The following KIF13B variants were observed in gnomAD, a reference collection of about 807,000 sequenced individuals.
KIF13B encodes the protein kinesin-like protein KIF13B.
Under a neutral mutation model 222.0 loss-of-function variants are expected in KIF13B, and 127 were observed. The observed-to-expected ratio is 0.57, with a 90% confidence interval of 0.50 to 0.66. KIF13B has a LOEUF of 0.66. KIF13B is among the 30% of genes least tolerant of loss of function. The probability of loss-of-function intolerance (pLI) is 0.00; values close to 1 mark genes in which losing one functional copy is unlikely to be tolerated. For synonymous variants in KIF13B, 976 were observed against 919.0 expected (o/e 1.06, Z -1.12); for missense variants, 2,173 against 2,379.0 (o/e 0.91, Z 1.80).
At chr8:29,131,010 T>C (rs1810318758) in intron 23 of KIF13B, among the ~76,000 whole-genome samples, 1 of 152,032 alleles carries the variant, frequency 6.6e-6, no homozygotes, top group Non-Finnish European at 1.5e-5. Flanking sequence ...CAAAATCATA[T>C]CCCTTGCAGC....
intron 2 of KIF13B, among the ~76,000 whole-genome samples, chr8:29,241,202 A>T (rs1374075164): frequency 6.6e-6 from 1 of 152,224 alleles, no homozygotes; most frequent in African/African-American, 2.4e-5. Context: ...AGACCACATC[A>T]TGTATGATTT....
Position 29,262,844 on chromosome 8 carries a change from G to A in KIF13B, c.55+136C>T. On this transcript the variant is annotated intron_variant, in intron 1 of 39. Coordinates refer to ENST00000524189, the MANE Select transcript of KIF13B (RefSeq NM_015254.4). The stretch of plus-strand genomic sequence containing the variant: ...GTCTCAGCGCGGGAGCGGGTTTCAG[G>A]GTCCCCGGGCCCCTCCTCGCGCCCC... The A allele has an allele frequency of 8.3e-6, 5 of 603,414 alleles. No homozygotes were observed. In the South Asian group the frequency reaches 1.0e-4, roughly 12 times the overall value. The allele number at this position is 603,414 out of a possible 1,614,324, so 37.4% of individuals were successfully genotyped here.
chr8:29,075,596 C>T (rs1263756861), intron 37 of KIF13B, among the ~76,000 whole-genome samples: 2 of 152,262 alleles, frequency 1.3e-5, no homozygotes, highest in Admixed American at 1.3e-4. Flanking sequence ...CGCTCTCTCC[C>T]TCCCTCCAAT....
chr8:29,168,280 G>A (rs187941075), intron 10 of KIF13B, among the ~76,000 whole-genome samples: 11 of 152,310 alleles, frequency 7.2e-5, no homozygotes, highest in Non-Finnish European at 8.8e-5. Flanking sequence ...ACGGCTTTAG[G>A]ACCGACTGGC....
At chr8:29,158,958 A>G (rs989986999) in intron 13 of KIF13B, among the ~76,000 whole-genome samples, 8 of 152,256 alleles carry the variant, frequency 5.3e-5, no homozygotes, top group African/African-American at 1.9e-4. Context: ...GAACTACAGT[A>G]CAATGCAAAG....
chr8:29,146,396 G>C lies in KIF13B; in HGVS notation c.2169C>G (p.Ser723Arg). The C allele has an allele frequency of 6.2e-7, 1 of 1,613,728 alleles. No homozygotes were observed. Among genetic ancestry groups the C allele is most frequent in the Non-Finnish European group, 8.5e-7 (1 of 1,179,820 alleles). ...ACCTCACCTTCCTGTTGGCATCCAG[G>C]CTGGAGGCTGGAATCTGTAGGGTAA... ...YKVTLQIPAS[S>R]LDANRKRGSL... Residue 723 changes from serine (S) to arginine (R), a missense_variant, in exon 18 of 40, where the codon AGC becomes AGG. Coordinates refer to ENST00000524189, the MANE Select transcript of KIF13B (RefSeq NM_015254.4).
intron 21 of KIF13B, 90 bp from the exon 22 acceptor site, chr8:29,134,300 AC>A: frequency 8.3e-7 from 1 of 1,208,326 alleles, no homozygotes; most frequent in Non-Finnish European, 1.2e-6. Flanking sequence ...TCTGTCACTA[AC>A]TTAGGTGCTT....
intron 38 of KIF13B, among the ~76,000 whole-genome samples, chr8:29,073,958 T>C (rs920199297): frequency 6.6e-6 from 1 of 152,248 alleles, no homozygotes; most frequent in African/African-American, 2.4e-5. Flanking sequence ...TCAATCATTC[T>C]TCCTTTGCAC....
intron 12 of KIF13B, among the ~76,000 whole-genome samples, chr8:29,162,919 C>CT (rs1811843940): frequency 6.6e-6 from 1 of 152,156 alleles, no homozygotes; most frequent in Non-Finnish European, 1.5e-5. Context: ...CATGGGGTCT[C>CT]TGTCTTATTC....
chr8:29,131,926 C>T (rs977241608), intron 23 of KIF13B, among the ~76,000 whole-genome samples: 6 of 152,142 alleles, frequency 3.9e-5, no homozygotes, highest in Admixed American at 3.9e-4. Flanking sequence ...AATGGCAGTA[C>T]TAATCTCTAG....
intron 35 of KIF13B, among the ~76,000 whole-genome samples, chr8:29,106,429 C>T (rs182365471): frequency 2.6e-5 from 4 of 152,066 alleles, no homozygotes; most frequent in African/African-American, 4.8e-5. Flanking sequence ...GTCAGGAGTT[C>T]GAGACCAGGC....
chr8:29,224,711 T>C (rs996268372), intron 2 of KIF13B, among the ~76,000 whole-genome samples: 1 of 150,434 alleles, frequency 6.6e-6, no homozygotes, highest in Admixed American at 6.7e-5. Context: ...TTCTAGAGCA[T>C]GCATCCTTGA....
intron 1 of KIF13B, among the ~76,000 whole-genome samples, chr8:29,253,107 A>C (rs1260289076): frequency 1.3e-5 from 2 of 152,154 alleles, no homozygotes; most frequent in African/African-American, 4.8e-5. Context: ...GGGAGTCTGA[A>C]GCAGGGGGAT....
chr8:29,184,485 T>C (rs1205181756), intron 6 of KIF13B, among the ~76,000 whole-genome samples: 2 of 152,156 alleles, frequency 1.3e-5, no homozygotes, highest in Non-Finnish European at 2.9e-5. Context: ...ATTTCCCTCT[T>C]CAAGTTCCCT....
At chr8:29,203,223 C>G (rs770597743) in intron 2 of KIF13B, among the ~76,000 whole-genome samples, 5 of 152,216 alleles carry the variant, frequency 3.3e-5, no homozygotes, top group Non-Finnish European at 5.9e-5. Context: ...GCCCCTTTCT[C>G]TATCTCCAAC....
At chr8:29,143,760 C>T (rs779468441) in intron 18 of KIF13B, among the ~76,000 whole-genome samples, 7 of 151,986 alleles carry the variant, frequency 4.6e-5, no homozygotes, top group Non-Finnish European at 8.8e-5. Context: ...GCAGAAGAAT[C>T]GCTTGAACCC....
intron 2 of KIF13B, among the ~76,000 whole-genome samples, chr8:29,235,168 AAAAAAT>A (rs1460234829): frequency 3.7e-4 from 57 of 152,350 alleles, no homozygotes; most frequent in African/African-American, 1.3e-3. Context: ...ATAATGGCTT[AAAAAAT>A]AAAAATAAAA....
intron 37 of KIF13B, among the ~76,000 whole-genome samples, chr8:29,077,458 G>A (rs1242278934): frequency 6.6e-6 from 1 of 152,188 alleles, no homozygotes; most frequent in African/African-American, 2.4e-5. Context: ...CATGACAAAA[G>A]CAGAAAAAAC....
In KIF13B at chr8:29,127,136, G is replaced by A. The variant is rs905792000; in HGVS notation, c.3208C>T (p.His1070Tyr). ...TAGAAACTTACATGGAAGGTCTCAT[G>A]TGTTCTGGGGGCTCTGAGCGGTCTA... ...KVRPLRAPRT[H>Y]ETFHEEEEDM... The change falls in exon 25 of 40, where the codon CAT (histidine) becomes TAT (tyrosine). Residue 1070 changes from histidine to tyrosine, a missense_variant. His to Tyr is a moderately conservative substitution (Grantham distance 83, BLOSUM62 2). Around this residue, in one of 2 missense-constraint regions of KIF13B, gnomAD observed 1,480 missense variants for 1,722.8 expected, o/e 0.86. Coordinates refer to ENST00000524189, the MANE Select transcript of KIF13B (RefSeq NM_015254.4). 1 of 1,613,786 alleles carries A rather than the reference G, an allele frequency of 6.2e-7. No homozygotes were observed.
Sources: allele counts gnomAD v4.1 joint callset (sites outside exome capture counted in the v4.1 genomes callset), GRCh38; gene constraint gnomAD v4.1.1; regional missense constraint gnomAD v4.1.1; transcripts MANE v1.5; gene names NCBI Gene and HGNC (gene_info 2026-07-23, HGNC 2026-07-21).